Variants in OR2A7 observed in about 807,000 individuals in gnomAD.
The protein encoded by OR2A7 is olfactory receptor family 2 subfamily A member 7, also known as olfactory receptor 2A7.
For missense variants in OR2A7, 35 were observed against 359.2 expected, an observed-to-expected ratio of 0.10 and a Z score of 7.30; for synonymous variants, 10 against 147.1, an observed-to-expected ratio of 0.07 and a Z score of 6.74.
At chr7:144,261,156 ATAATT>A (rs1275582583) in intron 1 of OR2A7, among the ~76,000 whole-genome samples, 18 of 150,586 alleles carry the variant, frequency 1.2e-4, no homozygotes, top group African/African-American at 3.7e-4. Flanking sequence ...AAAAAATAAA[ATAATT>A]TAGTTATTTA....
At chr7:144,261,550 G>A (rs573804468) in intron 1 of OR2A7, among the ~76,000 whole-genome samples, 2 of 150,936 alleles carry the variant, frequency 1.3e-5, no homozygotes, top group South Asian at 2.1e-4. Context: ...TGTTAACGTT[G>A]AACATTTACC....
intron 1 of OR2A7, among the ~76,000 whole-genome samples, chr7:144,259,975 G>A (rs1419484426): frequency 7.6e-6 from 1 of 131,182 alleles, no homozygotes; most frequent in Non-Finnish European, 1.7e-5. Context: ...CCGGCGTGGC[G>A]GCGTGTACCT....
rs2052578084 is a variant in OR2A7, at chr7:144,257,743, G to A, written c.*953C>T. The A allele has an allele frequency of 6.7e-6, 1 of 149,082 alleles. No homozygotes were observed. Among genetic ancestry groups the A allele is most frequent in the African/African-American group, 2.5e-5 (1 of 40,258 alleles). The allele number at this position is 149,082 out of a possible 1,614,324, so 9.2% of individuals were successfully genotyped here. A position where few individuals can be genotyped will look rare whatever the true frequency, so the allele number is the denominator to read the frequency against. Reference sequence around the variant, plus strand: ...AAATCTTTCTAGATTTTTCTTTCTTGAGAAATCTGGGTTTATCTTGAAAAC... The same window carrying A: ...AAATCTTTCTAGATTTTTCTTTCTTAAGAAATCTGGGTTTATCTTGAAAAC... On this transcript the variant is annotated 3_prime_UTR_variant, in exon 2 of 2. Coordinates refer to ENST00000641841, the MANE Select transcript of OR2A7 (RefSeq NM_001005328.2).
intron 1 of OR2A7, among the ~76,000 whole-genome samples, chr7:144,261,145 G>A (rs2052640540): frequency 3.4e-5 from 5 of 148,434 alleles, no homozygotes; most frequent in Non-Finnish European, 7.4e-5. Flanking sequence ...TGCTCATGTT[G>A]AAAAAATAAA....
chr7:144,260,553 T>C (rs1390417281), intron 1 of OR2A7, among the ~76,000 whole-genome samples: 1 of 151,892 alleles, frequency 6.6e-6, no homozygotes, highest in Non-Finnish European at 1.5e-5. Context: ...CATTCACCTC[T>C]TAAACTTTCC....
intron 1 of OR2A7, among the ~76,000 whole-genome samples, chr7:144,262,009 T>C (rs2052653718): frequency 6.6e-6 from 1 of 151,790 alleles, no homozygotes; most frequent in Non-Finnish European, 1.5e-5. Flanking sequence ...CTTCTTCAAG[T>C]GCTTTTGAGA....
chr7:144,260,806 C>T (rs2052635865), intron 1 of OR2A7, among the ~76,000 whole-genome samples: 1 of 150,858 alleles, frequency 6.6e-6, no homozygotes, highest in Non-Finnish European at 1.5e-5. Context: ...CTAGAATACA[C>T]AGTTTTAAGC....
At chr7:144,262,191 C>T (rs2052655911) in intron 1 of OR2A7, among the ~76,000 whole-genome samples, 2 of 151,710 alleles carry the variant, frequency 1.3e-5, no homozygotes, top group Admixed American at 1.3e-4. Context: ...GCTTCTGTCT[C>T]ATTCTGTCTC....
At chr7:144,262,128 A>G in intron 1 of OR2A7, among the ~76,000 whole-genome samples, 1 of 151,822 alleles carries the variant, frequency 6.6e-6, no homozygotes, top group Non-Finnish European at 1.5e-5. Flanking sequence ...CATGATTTCC[A>G]TAGAGACATG....
In OR2A7 at chr7:144,259,378, A is replaced by C. The variant is rs1563086568; in HGVS notation, c.251T>G (p.Leu84Arg). Reference protein sequence around the residue: ...CNTVPRMLVNLLHPAKPISFA... With the variant: ...CNTVPRMLVNRLHPAKPISFA... ...GGAGATGGGCTTGGCTGGATGCAGGAGGTTCACCAGCATCCGGGGCACCGT... is the reference window on the plus strand; with the variant it reads ...GGAGATGGGCTTGGCTGGATGCAGGCGGTTCACCAGCATCCGGGGCACCGT... The change falls in exon 2 of 2, where the codon CTC (leucine) becomes CGC (arginine). Residue 84 changes from leucine to arginine, a missense_variant. Transcript: ENST00000641841. The C allele has an allele frequency of 4.2e-6, 5 of 1,198,228 alleles. No individual in the cohort carries two copies. The South Asian group carries it at 6.4e-5, about 15-fold the overall frequency. The allele number at this position is 1,198,228 out of a possible 1,614,324, so 74.2% of individuals were successfully genotyped here. A position where few individuals can be genotyped will look rare whatever the true frequency, so the allele number is the denominator to read the frequency against.
intron 1 of OR2A7, among the ~76,000 whole-genome samples, chr7:144,260,637 T>A (rs1482598493): frequency 6.6e-6 from 1 of 151,958 alleles, no homozygotes; most frequent in Non-Finnish European, 1.5e-5. Context: ...AAAGACTTAT[T>A]TTTTAGCCCA....
At chr7:144,264,106 T>C (rs2052673601) in intron 1 of OR2A7, among the ~76,000 whole-genome samples, 1 of 150,946 alleles carries the variant, frequency 6.6e-6, no homozygotes, top group Non-Finnish European at 1.5e-5. Flanking sequence ...ACTGATGTCA[T>C]AGCCGTAATA....
Position 144,259,641 on chromosome 7 carries a change from G to C in OR2A7, c.-4-9C>G. 6.2e-7 allele frequency: 1 copy of C among 1,610,572 alleles called. No homozygotes were observed. The highest frequency in any genetic ancestry group is 8.5e-7 in the Non-Finnish European group (1 of 1,178,154). The stretch of plus-strand genomic sequence containing the variant: ...TATTGTCCCCCATATCCCTATGACA[G>C]AGGAAATCAAGTTAATGCTCATGGT... On this transcript the variant is annotated splice_polypyrimidine_tract_variant and intron_variant, in intron 1 of 1. Transcript: ENST00000641841.
intron 1 of OR2A7, among the ~76,000 whole-genome samples, chr7:144,264,092 G>A (rs1375213029): frequency 3.4e-5 from 5 of 148,922 alleles, no homozygotes; most frequent in African/African-American, 1.2e-4. Flanking sequence ...AAATCATATT[G>A]CCAACTGATG....
chr7:144,260,111 G>GAAAAAAAAA (rs1162605720), intron 1 of OR2A7, among the ~76,000 whole-genome samples: 2 of 87,658 alleles, frequency 2.3e-5, no homozygotes, highest in African/African-American at 8.5e-5. Flanking sequence ...TCTGTCTCCA[G>GAAAAAAAAA]AAAAAAAAAA....
intron 1 of OR2A7, among the ~76,000 whole-genome samples, chr7:144,261,213 T>G (rs2052642252): frequency 6.6e-6 from 1 of 151,692 alleles, no homozygotes; most frequent in South Asian, 2.1e-4. Context: ...TGAGATTGGA[T>G]CTAAACTTTG....
chr7:144,260,516 A>G (rs1439102958), intron 1 of OR2A7, among the ~76,000 whole-genome samples: 4 of 151,792 alleles, frequency 2.6e-5, no homozygotes, highest in Non-Finnish European at 5.9e-5. Flanking sequence ...AAGGTTCGAC[A>G]TACCATCAGC....
chr7:144,264,787 CG>C lies in OR2A7; in HGVS notation c.-92del, dbSNP rs1352705545. The C allele has an allele frequency of 2.6e-5, 4 of 151,876 alleles. No homozygotes were observed. The East Asian group carries it at 7.7e-4, about 29-fold the overall frequency. The allele number at this position is 151,876 out of a possible 1,614,324, so 9.4% of individuals were successfully genotyped here. On this transcript the variant is annotated 5_prime_UTR_variant, in exon 1 of 2. Coordinates refer to ENST00000641841, the MANE Select transcript of OR2A7 (RefSeq NM_001005328.2). Reference sequence around the variant, plus strand: ...AACGTATCCGCATCATTAAACAACACGTGATTGTATAGTGTTAGCTTTTTGT... The same window carrying C: ...AACGTATCCGCATCATTAAACAACACTGATTGTATAGTGTTAGCTTTTTGT...
intron 1 of OR2A7, among the ~76,000 whole-genome samples, chr7:144,262,008 G>A (rs1372619750): frequency 6.6e-6 from 1 of 151,796 alleles, no homozygotes; most frequent in Non-Finnish European, 1.5e-5. Flanking sequence ...GCTTCTTCAA[G>A]TGCTTTTGAG....
Sources: gnomAD v4.1 joint callset for allele counts (sites outside exome capture counted in the v4.1 genomes callset) on GRCh38, gnomAD v4.1.1 for gene constraint, MANE v1.5 for transcripts, NCBI Gene and HGNC (gene_info 2026-07-23, HGNC 2026-07-21) for gene names.